Variants in LENG9 observed in about 807,000 individuals in gnomAD.
LENG9 encodes leukocyte receptor cluster (LRC) member 9.
For missense variants in LENG9, 872 were observed against 652.7 expected (o/e 1.34, Z -3.66); for synonymous variants, 410 against 303.9 (o/e 1.35, Z -3.63).
chr19:54,462,154 C>CA lies in LENG9; in HGVS notation c.1372dup (p.Trp458LeufsTer17). ...CCCTGTCCTCCCTATACGGCACAGC[C>CA]AGAGTGTCTGCAGGGGCTGGCACCC... On this transcript the variant is annotated frameshift_variant, in exon 1 of 1. Transcript: ENST00000611161. LOFTEE classifies it low-confidence loss of function (END_TRUNC). 1 of 1,608,236 alleles carries CA rather than the reference C, an allele frequency of 6.2e-7. No individual in the cohort carries two copies. Among genetic ancestry groups the CA allele is most frequent in the African/African-American group, 1.3e-5 (1 of 75,012 alleles).
At position 54,463,245 on chromosome 19, in the gene LENG9, C is replaced by T. The variant is rs1482236449; in HGVS notation, c.282G>A (p.Leu94=). 6.5e-7 allele frequency: 1 copy of T among 1,546,070 alleles called. No individual in the cohort carries two copies. The highest frequency in any genetic ancestry group is 1.9e-5 in the Admixed American group (1 of 51,876). ...DFSVGYVDRF[L]GVREEPFSAF... is the part of the protein sequence containing the mutation. ...CGCTGAAGGGCTCCTCGCGCACACC[C>T]AGAAAGCGGTCGACGTAGCCCACCG... The change falls in exon 1 of 1, where the codon CTG becomes CTA. Residue 94 remains leucine (L), a synonymous_variant. Transcript: ENST00000611161.
chr19:54,462,095 C>G lies in LENG9; in HGVS notation c.1432G>C (p.Glu478Gln). 6.4e-7 allele frequency: 1 copy of G among 1,564,804 alleles called. No homozygotes were observed. Among genetic ancestry groups the G allele is most frequent in the Non-Finnish European group, 8.7e-7 (1 of 1,155,492 alleles). Residue 478 changes from glutamate to glutamine, a missense_variant, in exon 1 of 1, where the codon GAG (glutamate) becomes CAG (glutamine). Coordinates refer to ENST00000611161, the MANE Select transcript of LENG9 (RefSeq NM_001301782.2). ...CCTCCAGAGGTCTGGGGGTGTCACT[C>G]CAGGGGGATCTCAGCCAGGGGCTGG... ...PFQPLAEIPL[E>Q]
In LENG9 at chr19:54,462,551, G is replaced by A; in HGVS notation, c.976C>T (p.Pro326Ser). 1 of 1,613,732 alleles carries A rather than the reference G, an allele frequency of 6.2e-7. No homozygotes were observed. The highest frequency in any genetic ancestry group is 1.1e-5 in the South Asian group (1 of 91,086). ...GGCACTAGGAAGTTGGCGCAGTGTG[G>A]GGCCACGTGGACCAGGTATTCCTGG... ...KAQEYLVHVA[P>S]HCANFLVPSQ... Residue 326 changes from proline (P) to serine (S), a missense_variant, in exon 1 of 1, where the codon CCA becomes TCA. Physicochemically the swap from Pro to Ser is moderately conservative, Grantham distance 74. Coordinates refer to ENST00000611161, the MANE Select transcript of LENG9 (RefSeq NM_001301782.2).
chr19:54,462,646 T>G lies in LENG9; in HGVS notation c.881A>C (p.Gln294Pro). The change falls in exon 1 of 1, where the codon CAA becomes CCA. Residue 294 changes from glutamine to proline, a missense_variant. Coordinates refer to ENST00000611161, the MANE Select transcript of LENG9 (RefSeq NM_001301782.2). ...RARLSVAAPC[Q>P]PRPTHFVALM... ...GGCCACAAAATGTGTGGGGCGCGGT[T>G]GGCAAGGGGCTGCAACACTAAGGCG... 6.2e-7 allele frequency: 1 copy of G among 1,613,140 alleles called. No individual in the cohort carries two copies. Among genetic ancestry groups the G allele is most frequent in the Non-Finnish European group, 8.5e-7 (1 of 1,179,992 alleles).
chr19:54,461,816 C>T lies in LENG9; in HGVS notation c.*274G>A, dbSNP rs2084581078. 4.8e-6 allele frequency: 3 copies of T among 623,056 alleles called. No homozygotes were observed. Among genetic ancestry groups the T allele is most frequent in the South Asian group, 1.5e-5 (1 of 65,948 alleles). 38.6% of individuals were successfully genotyped at this position (623,056 alleles called of 1,614,324 possible). A position where few individuals can be genotyped will look rare whatever the true frequency, so the allele number is the denominator to read the frequency against. ...TTTTCTTTTTGGCCCTCCCTCCCTC[C>T]CTCTTCTGCCATGTAACTGGAGGAT... On this transcript the variant is annotated 3_prime_UTR_variant, in exon 1 of 1. Coordinates refer to ENST00000611161, the MANE Select transcript of LENG9 (RefSeq NM_001301782.2).
chr19:54,463,264 C>A lies in LENG9; in HGVS notation c.263G>T (p.Gly88Val). The change falls in exon 1 of 1, where the codon GGC becomes GTC. Residue 88 changes from glycine to valine, a missense_variant. Gly to Val is a moderately radical substitution (Grantham distance 109). Transcript: ENST00000611161. ...CACACCCAGAAAGCGGTCGACGTAG[C>A]CCACCGAGAAGTCGGCGGGGTCGAG... ...PRLDPADFSV[G>V]YVDRFLGVRE... 8.5e-6 allele frequency: 13 copies of A among 1,531,870 alleles called. No homozygotes were observed. The highest frequency in any genetic ancestry group is 1.1e-5 in the Non-Finnish European group (13 of 1,144,604). The allele number at this position is 1,531,870 out of a possible 1,614,324, so 94.9% of individuals were successfully genotyped here.
At position 54,462,306 on chromosome 19, in the gene LENG9, C is replaced by T; in HGVS notation, c.1221G>A (p.Leu407=). 6.2e-7 allele frequency: 1 copy of T among 1,602,572 alleles called. No individual in the cohort carries two copies. The highest frequency in any genetic ancestry group is 8.5e-7 in the Non-Finnish European group (1 of 1,172,548). Reference sequence around the variant, plus strand: ...GTAGTGTACTCAGCCCCTCGGCTTCCAGCCTCTGGCTCAGCACTTGTGCCA... The same window carrying T: ...GTAGTGTACTCAGCCCCTCGGCTTCTAGCCTCTGGCTCAGCACTTGTGCCA... The part of the protein sequence containing the change: ...ESMAQVLSQR[L]EAEGLSTLQS... Residue 407 remains leucine (L), a synonymous_variant, in exon 1 of 1, where the codon CTG becomes CTA. Coordinates refer to ENST00000611161, the MANE Select transcript of LENG9 (RefSeq NM_001301782.2).
Position 54,463,025 on chromosome 19 carries a change from G to A in LENG9, c.502C>T (p.His168Tyr), listed in dbSNP as rs1401833761. 1 of 1,603,698 alleles carries A rather than the reference G, an allele frequency of 6.2e-7. No homozygotes were observed. Among genetic ancestry groups the A allele is most frequent in the Non-Finnish European group, 8.5e-7 (1 of 1,179,550 alleles). The change falls in exon 1 of 1, where the codon CAC (histidine) becomes TAC (tyrosine). Residue 168 changes from histidine to tyrosine, a missense_variant. Coordinates refer to ENST00000611161, the MANE Select transcript of LENG9 (RefSeq NM_001301782.2). Reference sequence around the variant, plus strand: ...GTCCACTCGGCACCCTCTGCCCCGTGGGCGCCCTCGGTGTTCGGTGCGTCC... The same window carrying A: ...GTCCACTCGGCACCCTCTGCCCCGTAGGCGCCCTCGGTGTTCGGTGCGTCC... ...ILDAPNTEGA[H>Y]GAEGAEWTLA...
chr19:54,462,777 T>C lies in LENG9; in HGVS notation c.750A>G (p.Thr250=), dbSNP rs775606638. 25 of 1,610,142 alleles carry C rather than the reference T, an allele frequency of 1.6e-5. No homozygotes were observed. The highest frequency in any genetic ancestry group is 2.1e-5 in the Non-Finnish European group (25 of 1,179,602). The part of the protein sequence containing the change: ...ALKPTAATRT[T]LLGGKEAQAL... ...CCTGTGCTTCCTTGCCCCCCAGCAA[T>C]GTGGTCCTGGTGGCTGCTGTTGGCT... The change falls in exon 1 of 1, where the codon ACA becomes ACG. Residue 250 remains threonine, a synonymous_variant. Coordinates refer to ENST00000611161, the MANE Select transcript of LENG9 (RefSeq NM_001301782.2).
At position 54,463,192 on chromosome 19, in the gene LENG9, G is replaced by A; in HGVS notation, c.335C>T (p.Ala112Val). ...SAFCWDQPLA[A>V]LGPGVLAVPQ... ...CACTGCCAGCACGCCCGGCCCGAGCGCCGCCAGCGGCTGGTCCCAGCAAAA... is the reference window on the plus strand; with the variant it reads ...CACTGCCAGCACGCCCGGCCCGAGCACCGCCAGCGGCTGGTCCCAGCAAAA... The change falls in exon 1 of 1, where the codon GCG (alanine) becomes GTG (valine). Residue 112 changes from alanine (A) to valine (V), a missense_variant. Coordinates refer to ENST00000611161, the MANE Select transcript of LENG9 (RefSeq NM_001301782.2). The A allele has an allele frequency of 6.4e-7, 1 of 1,564,432 alleles. No homozygotes were observed.
chr19:54,463,000 G>A lies in LENG9; in HGVS notation c.527C>T (p.Thr176Ile), dbSNP rs1414007588. 1.2e-6 allele frequency: 2 copies of A among 1,605,990 alleles called. No homozygotes were observed. Among genetic ancestry groups the A allele is most frequent in the East Asian group, 2.2e-5 (1 of 44,864 alleles). Residue 176 changes from threonine to isoleucine, a missense_variant, in exon 1 of 1, where the codon ACA (threonine) becomes ATA (isoleucine). Thr to Ile is a moderately conservative substitution (Grantham distance 89, BLOSUM62 -1). Coordinates refer to ENST00000611161, the MANE Select transcript of LENG9 (RefSeq NM_001301782.2). ...GGCCTCCTGACCTGTCCCCGCCAGT[G>A]TCCACTCGGCACCCTCTGCCCCGTG... ...GAHGAEGAEWTLAGTGQEAQA... is the reference protein window; with the variant it reads ...GAHGAEGAEWILAGTGQEAQA...
chr19:54,463,128 G>T lies in LENG9; in HGVS notation c.399C>A (p.Arg133=). The part of the protein sequence containing the change: ...HRVRFFRFRG[R]LVWDRASRTD... ...TGCGCGAGGCGCGGTCCCACACAAG[G>T]CGGCCACGGAAGCGGAAGAAGCGCA... Residue 133 remains arginine (R), a synonymous_variant, in exon 1 of 1, where the codon CGC becomes CGA. Transcript: ENST00000611161. The T allele has an allele frequency of 6.3e-7, 1 of 1,599,212 alleles. No homozygotes were observed. The highest frequency in any genetic ancestry group is 8.5e-7 in the Non-Finnish European group (1 of 1,178,012).
In LENG9 at chr19:54,462,053, G is replaced by A. The variant is rs573661184; in HGVS notation, c.*37C>T. ...CTGCTTTGTCTTTCCTGTGTGGGCT[G>A]TTTGCATCCATTGTCTCCTCCAGAG... On this transcript the variant is annotated 3_prime_UTR_variant, in exon 1 of 1. Transcript: ENST00000611161. The A allele has an allele frequency of 5.7e-5, 88 of 1,538,672 alleles. 2 individuals are homozygous for A. In the Admixed American group the frequency reaches 1.7e-3, roughly 30 times the overall value.
rs538247982 is a variant in LENG9, at chr19:54,463,420, G to C, written c.107C>G (p.Ala36Gly). The C allele has an allele frequency of 4.9e-3, 6,039 of 1,242,234 alleles. 18 individuals carry two copies. The highest frequency in any genetic ancestry group is 9.6e-3 in the Middle Eastern group (31 of 3,218). The allele number at this position is 1,242,234 out of a possible 1,614,324, so 77.0% of individuals were successfully genotyped here. The part of the protein sequence containing the change: ...FFLEGRCRFG[A>G]RCRQPHPGAP... ...CCCAGGGTGGGGCTGGCGGCAGCGG[G>C]CGCCGAAGCGGCAGCGGCCTTCCAG... The change falls in exon 1 of 1, where the codon GCC (alanine) becomes GGC (glycine). Residue 36 changes from alanine (A) to glycine (G), a missense_variant. Physicochemically the swap from Ala to Gly is moderately conservative, Grantham distance 60. Coordinates refer to ENST00000611161, the MANE Select transcript of LENG9 (RefSeq NM_001301782.2).
At position 54,461,837 on chromosome 19, in the gene LENG9, A is replaced by G; in HGVS notation, c.*253T>C. The G allele has an allele frequency of 1.7e-6, 1 of 592,280 alleles. No homozygotes were observed. The highest frequency in any genetic ancestry group is 3.8e-5 in the East Asian group (1 of 26,224). The allele number at this position is 592,280 out of a possible 1,614,324, so 36.7% of individuals were successfully genotyped here. A position where few individuals can be genotyped will look rare whatever the true frequency, so the allele number is the denominator to read the frequency against. On this transcript the variant is annotated 3_prime_UTR_variant, in exon 1 of 1. Coordinates refer to ENST00000611161, the MANE Select transcript of LENG9 (RefSeq NM_001301782.2). ...CCTCCCTCTTCTGCCATGTAACTGG[A>G]GGATGTGCTATGAGTTTGCAAACAG...
Position 54,462,736 on chromosome 19 carries a change from C to T in LENG9, c.791G>A (p.Gly264Glu). 5.0e-6 allele frequency: 8 copies of T among 1,610,946 alleles called. No individual in the cohort carries two copies. Among genetic ancestry groups the T allele is most frequent in the Non-Finnish European group, 6.8e-6 (8 of 1,180,002 alleles). ...GGCTTCTGTCGTCTCAGCGGAGCCC[C>T]CCGGGACTCCCAGGGCCTGTGCTTC... ...GKEAQALGVP[G>E]GSAETTEAEW... The change falls in exon 1 of 1, where the codon GGG (glycine) becomes GAG (glutamate). Residue 264 changes from glycine to glutamate, a missense_variant. Coordinates refer to ENST00000611161, the MANE Select transcript of LENG9 (RefSeq NM_001301782.2).
In LENG9 at chr19:54,462,898, T is replaced by C; in HGVS notation, c.629A>G (p.Glu210Gly). Residue 210 changes from glutamate (E) to glycine (G), a missense_variant, in exon 1 of 1, where the codon GAG (glutamate) becomes GGG (glycine). By Grantham distance (98) the Glu-to-Gly change is moderately conservative (BLOSUM62 -2). Coordinates refer to ENST00000611161, the MANE Select transcript of LENG9 (RefSeq NM_001301782.2). ...CGCCCTCTCCTGGGCCGCCTCCAGC[T>C]CTCCGGGTTCCTCCACGCCTGGTTC... ...HQEPGVEEPG[E>G]LEAAQERALG... 1 of 1,612,594 alleles carries C rather than the reference T, an allele frequency of 6.2e-7. No homozygotes were observed. The highest frequency in any genetic ancestry group is 8.5e-7 in the Non-Finnish European group (1 of 1,179,932).
chr19:54,462,697 G>T lies in LENG9; in HGVS notation c.830C>A (p.Ala277Glu). 1.2e-6 allele frequency: 2 copies of T among 1,610,920 alleles called. No individual in the cohort carries two copies. Among genetic ancestry groups the T allele is most frequent in the Non-Finnish European group, 1.7e-6 (2 of 1,179,996 alleles). ...AETTEAEWGP[A>E]AWPEDKRARL... ...GGCCCTTTTGTCCTCGGGCCAGGCC[G>T]CAGGACCCCACTCGGCTTCTGTCGT... Residue 277 changes from alanine to glutamate, a missense_variant, in exon 1 of 1, where the codon GCG becomes GAG. Ala to Glu is a moderately radical substitution (Grantham distance 107). Coordinates refer to ENST00000611161, the MANE Select transcript of LENG9 (RefSeq NM_001301782.2).
In LENG9 at chr19:54,462,013, A is replaced by C. The variant is rs1045056066; in HGVS notation, c.*77T>G. ...AAACCAAAATTAAAGAGAGAAAGAG[A>C]GAGCGTGCACGCTCCTGCTTTGTCT... On this transcript the variant is annotated 3_prime_UTR_variant, in exon 1 of 1. Coordinates refer to ENST00000611161, the MANE Select transcript of LENG9 (RefSeq NM_001301782.2). The C allele has an allele frequency of 2.8e-6, 4 of 1,451,890 alleles. No individual in the cohort carries two copies. The highest frequency in any genetic ancestry group is 3.8e-6 in the Non-Finnish European group (4 of 1,064,046). 89.9% of individuals were successfully genotyped at this position (1,451,890 alleles called of 1,614,324 possible). A position where few individuals can be genotyped will look rare whatever the true frequency, so the allele number is the denominator to read the frequency against.
Sources: gnomAD v4.1 joint callset for allele counts on GRCh38, gnomAD v4.1.1 for gene constraint, MANE v1.5 for transcripts, NCBI Gene and HGNC (gene_info 2026-07-23, HGNC 2026-07-21) for gene names.